Variants in OCA2 observed in about 807,000 individuals in gnomAD.
OCA2 encodes P protein.
A neutral mutation model predicts 100.2 loss-of-function variants in OCA2; 77 were observed. The ratio of observed to expected loss-of-function variants is 0.77; its 90% CI spans 0.64 to 0.93. The LOEUF (loss-of-function observed/expected upper bound fraction) is 0.93. OCA2 is among the 40% of genes least tolerant of loss of function. The probability of loss-of-function intolerance (pLI) is 0.00; values close to 1 mark genes in which losing one functional copy is unlikely to be tolerated. For synonymous variants in OCA2, 432 were observed against 439.2 expected (o/e 0.98, Z 0.21); for missense variants, 1,062 against 1,089.1 (o/e 0.98, Z 0.35).
intron 21 of OCA2, among the ~76,000 whole-genome samples, chr15:27,861,256 C>T (rs2036120589): frequency 6.6e-6 from 1 of 152,060 alleles, no homozygotes; most frequent in Admixed American, 6.6e-5. Flanking sequence ...AGAACGGAGT[C>T]ACGATTTATG....
downstream of OCA2, among the ~76,000 whole-genome samples, chr15:27,754,073 C>T (rs2030172238): frequency 1.3e-5 from 2 of 152,144 alleles, no homozygotes. Flanking sequence ...CCTGGACAGG[C>T]TGTGGCAGGG....
intron 2 of OCA2, among the ~76,000 whole-genome samples, chr15:28,080,582 A>C (rs1392785660): frequency 6.6e-6 from 1 of 152,242 alleles, no homozygotes; most frequent in Non-Finnish European, 1.5e-5. Context: ...ATGAGCACGC[A>C]AGCTGGGGAG....
intron 9 of OCA2, among the ~76,000 whole-genome samples, chr15:28,006,168 T>C (rs1045801198): frequency 2.0e-5 from 3 of 152,118 alleles, no homozygotes; most frequent in Non-Finnish European, 4.4e-5. Context: ...ACACGTTAGC[T>C]CCGGTGGTTA....
At chr15:27,886,776 C>T (rs1346754360) in intron 19 of OCA2, among the ~76,000 whole-genome samples, 2 of 152,174 alleles carry the variant, frequency 1.3e-5, no homozygotes, top group Admixed American at 1.3e-4. Context: ...ATGATATAGA[C>T]CCCAAACTCC....
At chr15:27,911,752 A>G (rs2038406119) in intron 19 of OCA2, among the ~76,000 whole-genome samples, 1 of 152,166 alleles carries the variant, frequency 6.6e-6, no homozygotes, top group South Asian at 2.1e-4. Flanking sequence ...CACCTTCAAC[A>G]CTAGAGATCA....
chr15:27,749,557 A>G, the OCA2 span, among the ~76,000 whole-genome samples: 2 of 152,208 alleles, frequency 1.3e-5, no homozygotes, highest in African/African-American at 4.8e-5. Flanking sequence ...AAATGTCCCT[A>G]TTAGTAGATG....
the OCA2 span, among the ~76,000 whole-genome samples, chr15:27,729,975 C>T: frequency 1.3e-5 from 2 of 152,184 alleles, no homozygotes; most frequent in Non-Finnish European, 2.9e-5. Flanking sequence ...TTATTTAACT[C>T]TCTGACAACA....
At chr15:27,977,601 C>T (rs2041011004) in intron 14 of OCA2, among the ~76,000 whole-genome samples, 1 of 152,162 alleles carries the variant, frequency 6.6e-6, no homozygotes, top group Admixed American at 6.5e-5. Context: ...CTGATATGTT[C>T]TGTTTTCACT....
chr15:27,742,573 G>T, the OCA2 span, among the ~76,000 whole-genome samples: 1 of 152,094 alleles, frequency 6.6e-6, no homozygotes, highest in Non-Finnish European at 1.5e-5. Context: ...ATGCAGCACC[G>T]GGCCACCTTC....
the OCA2 span, among the ~76,000 whole-genome samples, chr15:27,722,268 C>G: frequency 6.6e-6 from 1 of 152,224 alleles, no homozygotes; most frequent in East Asian, 1.9e-4. Flanking sequence ...CCTAGCACAT[C>G]AGTCTTTGCA....
chr15:27,893,958 T>C (rs1012913667), intron 19 of OCA2, among the ~76,000 whole-genome samples: 1 of 152,164 alleles, frequency 6.6e-6, no homozygotes, highest in Non-Finnish European at 1.5e-5. Flanking sequence ...CTTTGATGCA[T>C]GTGATCTTTG....
intron 19 of OCA2, among the ~76,000 whole-genome samples, chr15:27,874,304 G>A (rs1157039251): frequency 3.3e-5 from 5 of 152,282 alleles, no homozygotes; most frequent in African/African-American, 4.8e-5. Flanking sequence ...CTGGAACCTC[G>A]AGGCTGATCA....
intron 23 of OCA2, among the ~76,000 whole-genome samples, chr15:27,806,461 A>G (rs2033853393): frequency 6.6e-6 from 1 of 152,280 alleles, no homozygotes; most frequent in African/African-American, 2.4e-5. Flanking sequence ...AGACGTGAGC[A>G]TAGGTGGCAC....
the OCA2 span, among the ~76,000 whole-genome samples, chr15:27,724,691 T>C: frequency 6.6e-6 from 1 of 152,264 alleles, no homozygotes; most frequent in East Asian, 1.9e-4. Context: ...CTGACTGCTT[T>C]AGGGCCCTAG....
chr15:27,787,471 G>A (rs545112894), intron 23 of OCA2, among the ~76,000 whole-genome samples: 7 of 151,992 alleles, frequency 4.6e-5, no homozygotes, highest in African/African-American at 1.7e-4. Flanking sequence ...GGTTCTGTTT[G>A]GTAAATTGTG....
chr15:27,950,532 A>G lies in OCA2; in HGVS notation c.1951+1252T>C, dbSNP rs1409099533. 5.8e-6 allele frequency: 3 copies of G among 518,508 alleles called. 1 individual carries two copies. The highest frequency in any genetic ancestry group is 4.2e-5 in the South Asian group (3 of 71,378). 32.1% of individuals were successfully genotyped at this position (518,508 alleles called of 1,614,324 possible). ...GATCAGCTCTCAGGTGTGGATAAAT[A>G]ATACCTGCCAGCTTGAACCAAGCCC... On this transcript the variant is annotated intron_variant, in intron 18 of 23. Coordinates refer to ENST00000354638, the MANE Select transcript of OCA2 (RefSeq NM_000275.3).
intron 18 of OCA2, among the ~76,000 whole-genome samples, chr15:27,932,410 A>G (rs2039285203): frequency 6.6e-6 from 1 of 151,892 alleles, no homozygotes; most frequent in South Asian, 2.1e-4. Context: ...GAGGAATAGG[A>G]GCAAAATCTG....
At chr15:27,958,198 A>C (rs1378980996) in intron 15 of OCA2, among the ~76,000 whole-genome samples, 2 of 152,254 alleles carry the variant, frequency 1.3e-5, no homozygotes, top group Non-Finnish European at 2.9e-5. Context: ...CTTAAAGTGT[A>C]ATAAAAAAAA....
At chr15:28,011,836 C>T (rs576530096) in intron 9 of OCA2, among the ~76,000 whole-genome samples, 7 of 151,242 alleles carry the variant, frequency 4.6e-5, no homozygotes, top group Non-Finnish European at 8.8e-5. Flanking sequence ...GAGAATCACT[C>T]GAACCCAGGA....
Sources: gnomAD v4.1 joint callset for allele counts (sites outside exome capture counted in the v4.1 genomes callset) on GRCh38, gnomAD v4.1.1 for gene constraint, MANE v1.5 for transcripts, NCBI Gene and HGNC (gene_info 2026-07-23, HGNC 2026-07-21) for gene names.